Variants in BMP6 observed in about 807,000 individuals in gnomAD.
The protein encoded by BMP6 is VG-1-R.
A neutral mutation model predicts 54.1 loss-of-function variants in BMP6; 17 were observed. The ratio of observed to expected loss-of-function variants is 0.31; its 90% CI spans 0.22 to 0.47. The LOEUF is 0.47. Among genes scored for constraint, BMP6 ranks in the 20% least tolerant of loss-of-function variants. BMP6 has a pLI of 1.00. For synonymous variants in BMP6, 328 were observed against 291.2 expected (o/e 1.13, Z -1.28); for missense variants, 720 against 690.4 (o/e 1.04, Z -0.48).
At chr6:7,841,816 G>A (rs1396082613) in intron 1 of BMP6, among the ~76,000 whole-genome samples, 1 of 152,164 alleles carries the variant, frequency 6.6e-6, no homozygotes, top group South Asian at 2.1e-4. Context: ...TCATGATATT[G>A]TTGTTTTGGT....
At chr6:7,797,752 T>A (rs555542094) in intron 1 of BMP6, among the ~76,000 whole-genome samples, 2 of 152,170 alleles carry the variant, frequency 1.3e-5, no homozygotes, top group African/African-American at 4.8e-5. Flanking sequence ...TTGACTTTAT[T>A]AATAACAGCA....
chr6:7,735,212 A>G (rs1761935767), intron 1 of BMP6, among the ~76,000 whole-genome samples: 1 of 152,160 alleles, frequency 6.6e-6, no homozygotes, highest in Admixed American at 6.5e-5. Flanking sequence ...CACCGTCCAG[A>G]ACGTCTGCGT....
intron 1 of BMP6, among the ~76,000 whole-genome samples, chr6:7,730,367 G>A (rs1761830308): frequency 6.6e-6 from 1 of 152,100 alleles, no homozygotes; most frequent in African/African-American, 2.4e-5. Context: ...GCAATTCCAG[G>A]CCCCAAGACA....
chr6:7,879,225 C>A, intron 5 of BMP6, 75 bp downstream of exon 5: 1 of 1,424,610 alleles, frequency 7.0e-7, no homozygotes, highest in Non-Finnish European at 9.9e-7. Context: ...GCAGCCATTA[C>A]CAAACACCCA....
intron 1 of BMP6, among the ~76,000 whole-genome samples, chr6:7,753,009 A>T (rs576280574): frequency 6.6e-6 from 1 of 152,310 alleles, no homozygotes; most frequent in East Asian, 1.9e-4. Context: ...TTAAGCCCAG[A>T]ACCAGCCTCA....
chr6:7,798,044 C>A (rs1265624357), intron 1 of BMP6, among the ~76,000 whole-genome samples: 1 of 152,204 alleles, frequency 6.6e-6, no homozygotes, highest in African/African-American at 2.4e-5. Context: ...TTCCCTTAAG[C>A]TAAATATGCT....
intron 1 of BMP6, among the ~76,000 whole-genome samples, chr6:7,748,375 T>A (rs193165569): frequency 3.3e-4 from 51 of 152,300 alleles, no homozygotes; most frequent in African/African-American, 1.2e-3. Flanking sequence ...GATCTTCCTG[T>A]TCCATACCTG....
At chr6:7,729,646 T>C (rs1022408972) in intron 1 of BMP6, among the ~76,000 whole-genome samples, 1 of 152,170 alleles carries the variant, frequency 6.6e-6, no homozygotes, top group Non-Finnish European at 1.5e-5. Flanking sequence ...TTTTCTAATA[T>C]GCTACCGTGG....
chr6:7,740,175 C>T (rs765192946), intron 1 of BMP6, among the ~76,000 whole-genome samples: 2 of 152,054 alleles, frequency 1.3e-5, no homozygotes, highest in African/African-American at 2.4e-5. Context: ...CACCAAGGCT[C>T]GGTGGCCTGG....
chr6:7,776,094 AAG>A (rs1477241967), intron 1 of BMP6, among the ~76,000 whole-genome samples: 1 of 152,212 alleles, frequency 6.6e-6, no homozygotes, highest in African/African-American at 2.4e-5. Context: ...TTTTATAAGC[AAG>A]AGAGAGAGTA....
intron 1 of BMP6, among the ~76,000 whole-genome samples, chr6:7,754,876 C>T (rs1166822805): frequency 6.6e-6 from 1 of 152,140 alleles, no homozygotes; most frequent in Non-Finnish European, 1.5e-5. Context: ...TGCCACCACG[C>T]CCGGCTAATT....
chr6:7,826,866 C>T (rs1760575693), intron 1 of BMP6, among the ~76,000 whole-genome samples: 1 of 152,192 alleles, frequency 6.6e-6, no homozygotes, highest in African/African-American at 2.4e-5. Context: ...TGCTTCCTGT[C>T]TTTTGTAGGG....
intron 1 of BMP6, among the ~76,000 whole-genome samples, chr6:7,773,345 G>T (rs978810245): frequency 1.2e-4 from 18 of 152,172 alleles, no homozygotes; most frequent in African/African-American, 3.9e-4. Context: ...ATTAGGGAAG[G>T]GCCAGAAGAG....
At chr6:7,819,861 T>G (rs150574773) in intron 1 of BMP6, among the ~76,000 whole-genome samples, 7 of 152,348 alleles carry the variant, frequency 4.6e-5, no homozygotes, top group African/African-American at 1.7e-4. Flanking sequence ...TAAATTGGAC[T>G]GCAGTGAGTA....
intron 1 of BMP6, among the ~76,000 whole-genome samples, chr6:7,803,149 G>A (rs1758297148): frequency 6.6e-6 from 1 of 152,190 alleles, no homozygotes; most frequent in African/African-American, 2.4e-5. Flanking sequence ...CTTCCTCCCA[G>A]GGAAGAGTGG....
chr6:7,806,870 A>C (rs977245582), intron 1 of BMP6, among the ~76,000 whole-genome samples: 1 of 152,230 alleles, frequency 6.6e-6, no homozygotes, highest in Non-Finnish European at 1.5e-5. Context: ...ACAGCTAGGC[A>C]GGTAGGAAAG....
chr6:7,863,659 A>G (rs1056389413), intron 4 of BMP6, among the ~76,000 whole-genome samples: 4 of 152,182 alleles, frequency 2.6e-5, no homozygotes, highest in Non-Finnish European at 4.4e-5. Flanking sequence ...CAGAACAGAC[A>G]CATTCAAAGG....
intron 1 of BMP6, among the ~76,000 whole-genome samples, chr6:7,800,911 G>A (rs1374813935): frequency 3.0e-5 from 3 of 98,810 alleles, no homozygotes; most frequent in South Asian, 2.5e-4. Flanking sequence ...AAAGCGGGGG[G>A]AGGGGGGGGC....
intron 1 of BMP6, among the ~76,000 whole-genome samples, chr6:7,843,962 C>T (rs961280877): frequency 6.6e-6 from 1 of 152,172 alleles, no homozygotes; most frequent in Admixed American, 6.5e-5. Context: ...TATACTAATA[C>T]ATATACATTA....
Sources: gnomAD v4.1 joint callset for allele counts (sites outside exome capture counted in the v4.1 genomes callset) on GRCh38, gnomAD v4.1.1 for gene constraint, MANE v1.5 for transcripts, NCBI Gene and HGNC (gene_info 2026-07-23, HGNC 2026-07-21) for gene names.